Variants in BAIAP2 observed in about 807,000 individuals in gnomAD.
BAIAP2 encodes the protein BAR/IMD domain containing adaptor protein 2, also known as BAR/IMD domain-containing adapter protein 2.
BAIAP2 carries 18 observed loss-of-function variants against 63.0 expected under a neutral mutation model. The observed-to-expected ratio is 0.29, with a 90% confidence interval of 0.20 to 0.42. The LOEUF (loss-of-function observed/expected upper bound fraction) is 0.42, where lower values mean the gene tolerates loss of function less well. Ranked by LOEUF, BAIAP2 falls within the 10% of genes least tolerant of loss-of-function variation. BAIAP2 has a pLI of 1.00. For missense variants in BAIAP2, 610 were observed against 734.3 expected, an observed-to-expected ratio of 0.83 and a Z score of 1.96; for synonymous variants, 386 against 307.6, an observed-to-expected ratio of 1.25 and a Z score of -2.67.
At chr17:81,053,616 T>G in intron 1 of BAIAP2, 52 bp from the exon 2 acceptor site, 2 of 1,603,928 alleles carry the variant, frequency 1.2e-6, no homozygotes, top group South Asian at 2.2e-5. Flanking sequence ...CCCTTCGGAG[T>G]CACCAGGGTG....
chr17:81,095,607 G>T (rs1469902211), intron 6 of BAIAP2, among the ~76,000 whole-genome samples: 2 of 152,178 alleles, frequency 1.3e-5, no homozygotes, highest in Admixed American at 1.3e-4. Context: ...AGATGCTCAT[G>T]TGGGGGCTCC....
intron 1 of BAIAP2, among the ~76,000 whole-genome samples, chr17:81,035,539 C>A (rs1471086748): frequency 6.7e-6 from 1 of 149,430 alleles, no homozygotes; most frequent in African/African-American, 2.4e-5. Flanking sequence ...CCATCCCATG[C>A]GCGCCGCGGC....
rs748758180 is a variant in BAIAP2 at position 81,053,650 on chromosome 17, T to C, written c.55-18T>C. On this transcript the variant is annotated intron_variant, in intron 1 of 13. Coordinates refer to ENST00000428708, the MANE Select transcript of BAIAP2 (RefSeq NM_001144888.2). ...TGACCTCTGCCAGTAATGCTGTTTC[T>C]TCTCTGCTTTCTTCCAGACCATCAT... The C allele has an allele frequency of 3.1e-6, 5 of 1,614,002 alleles. No individual in the cohort carries two copies. In the Admixed American group the frequency reaches 8.3e-5, roughly 27 times the overall value.
At chr17:81,060,079 C>T (rs1350778875) in intron 3 of BAIAP2, among the ~76,000 whole-genome samples, 2 of 152,196 alleles carry the variant, frequency 1.3e-5, no homozygotes, top group Non-Finnish European at 2.9e-5. Flanking sequence ...TCTCCCCGGG[C>T]TCCTCCTGGA....
intron 3 of BAIAP2, among the ~76,000 whole-genome samples, chr17:81,063,145 C>G (rs1488685071): frequency 6.6e-6 from 1 of 151,900 alleles, no homozygotes; most frequent in Non-Finnish European, 1.5e-5. Flanking sequence ...AGGGTGTGTC[C>G]AAAGGTGTGA....
chr17:81,097,293 G>A (rs1308990045), intron 6 of BAIAP2, among the ~76,000 whole-genome samples: 3 of 152,228 alleles, frequency 2.0e-5, no homozygotes, highest in Non-Finnish European at 4.4e-5. Flanking sequence ...GTTGGGGGAT[G>A]TGGCTGGGCA....
chr17:81,091,059 T>G (rs2056659330), intron 6 of BAIAP2, among the ~76,000 whole-genome samples: 1 of 92,754 alleles, frequency 1.1e-5, no homozygotes, highest in African/African-American at 3.0e-5. Flanking sequence ...CCCCCACTTG[T>G]GTGGACCCGC....
intron 6 of BAIAP2, among the ~76,000 whole-genome samples, chr17:81,089,528 T>C (rs1287376246): frequency 6.6e-6 from 1 of 152,172 alleles, no homozygotes; most frequent in Admixed American, 6.5e-5. Flanking sequence ...GAGTGCCCTT[T>C]CGTGGTAAGC....
At chr17:81,073,751 T>TA (rs1244328518) in intron 3 of BAIAP2, among the ~76,000 whole-genome samples, 7 of 151,996 alleles carry the variant, frequency 4.6e-5, no homozygotes, top group Middle Eastern at 6.8e-3. Context: ...TTTTCTGGAG[T>TA]AAAAAAAGGC....
rs563318276 is a variant in BAIAP2 at position 81,099,972 on chromosome 17, C to G, written c.534C>G (p.Tyr178Ter). 1 of 1,613,350 alleles carries G rather than the reference C, an allele frequency of 6.2e-7. No homozygotes were observed. The highest frequency in any genetic ancestry group is 8.5e-7 in the Non-Finnish European group (1 of 1,179,976). The change falls in exon 7 of 14, where the codon TAC becomes TAG. Residue 178 changes from tyrosine to a stop codon, truncating the protein, a stop_gained. Coordinates refer to ENST00000428708, the MANE Select transcript of BAIAP2 (RefSeq NM_001144888.2). LOFTEE classifies it high-confidence loss of function. Reference sequence around the variant, plus strand: ...ACAAGCAGGGCGAGCTGGAGAATTACGTGTCCGACGGCTACAAGACCGCAC... The same window carrying G: ...ACAAGCAGGGCGAGCTGGAGAATTAGGTGTCCGACGGCTACAAGACCGCAC... Reference protein sequence around the residue: ...ISNKQGELENYVSDGYKTALT... With the variant: ...ISNKQGELEN
At position 81,099,942 on chromosome 17, in the gene BAIAP2, C is replaced by G; in HGVS notation, c.504C>G (p.Ile168Met). ...TCCCTCCACAGTACATCGACGCCATCAGCAACAAGCAGGGCGAGCTGGAGA... is the reference window on the plus strand; with the variant it reads ...TCCCTCCACAGTACATCGACGCCATGAGCAACAAGCAGGGCGAGCTGGAGA... Reference protein sequence around the residue: ...SDKELQYIDAISNKQGELENY... With the variant: ...SDKELQYIDAMSNKQGELENY... The change falls in exon 7 of 14, where the codon ATC (isoleucine) becomes ATG (methionine). Residue 168 changes from isoleucine to methionine, a missense_variant. Ile to Met is a conservative substitution (Grantham distance 10). Coordinates refer to ENST00000428708, the MANE Select transcript of BAIAP2 (RefSeq NM_001144888.2). 6.2e-7 allele frequency: 1 copy of G among 1,613,324 alleles called. No homozygotes were observed. The highest frequency in any genetic ancestry group is 1.1e-5 in the South Asian group (1 of 91,058).
At chr17:81,053,317 C>CGCGCCAATGGGAACG (rs1851734862) in intron 1 of BAIAP2, 1 of 258,834 alleles carries the variant, frequency 3.9e-6, no homozygotes, top group African/African-American at 2.3e-5. Context: ...CTGACTCAGC[C>CGCGCCAATGGGAACG]GCGCCAATGG....
chr17:81,055,574 G>GTTTTTTGTTTTTTTTTGTT (rs370775327), intron 2 of BAIAP2, among the ~76,000 whole-genome samples: 2 of 123,404 alleles, frequency 1.6e-5, no homozygotes, highest in Admixed American at 9.3e-5. Context: ...AGGGTGTTTT[G>GTTTTTTGTTTTTTTTTGTT]TTTTTTTTTG....
chr17:81,075,824 C>A (rs537226767), intron 3 of BAIAP2, among the ~76,000 whole-genome samples: 1 of 152,352 alleles, frequency 6.6e-6, no homozygotes, highest in East Asian at 1.9e-4. Flanking sequence ...ACTGCCCAGC[C>A]TTTGCACTGG....
chr17:81,114,884 T>TGCTCCAGGTAATG (rs1237095145), intron 13 of BAIAP2, among the ~76,000 whole-genome samples: 1 of 152,232 alleles, frequency 6.6e-6, no homozygotes, highest in Non-Finnish European at 1.5e-5. Flanking sequence ...GAGGTGATTC[T>TGCTCCAGGTAATG]GCTCCAGGTA....
chr17:81,063,021 G>T (rs2050853215), intron 3 of BAIAP2, among the ~76,000 whole-genome samples: 1 of 150,880 alleles, frequency 6.6e-6, no homozygotes, highest in Non-Finnish European at 1.5e-5. Context: ...AGAGGCTTGT[G>T]AACAGCATCA....
At chr17:81,087,042 C>T (rs2055786772) in intron 6 of BAIAP2, 2 of 170,198 alleles carry the variant, frequency 1.2e-5, no homozygotes, top group South Asian at 2.8e-4. Context: ...GCTGAGTGGG[C>T]TGGGACGTAG....
intron 6 of BAIAP2, among the ~76,000 whole-genome samples, chr17:81,096,922 CTGTGGAGGAGGAGGA>C (rs2145703776): frequency 6.6e-6 from 1 of 152,260 alleles, no homozygotes; most frequent in Non-Finnish European, 1.5e-5. Flanking sequence ...CGCGCTCCAG[CTGTGGAGGAGGAGGA>C]GGTGGAGGAG....
intron 1 of BAIAP2, among the ~76,000 whole-genome samples, chr17:81,050,942 G>A (rs1324571623): frequency 6.6e-6 from 1 of 151,856 alleles, no homozygotes; most frequent in Non-Finnish European, 1.5e-5. Context: ...GTCCCGGTCT[G>A]CATGGTCAGT....
Sources: gnomAD v4.1 joint callset for allele counts (sites outside exome capture counted in the v4.1 genomes callset) on GRCh38, gnomAD v4.1.1 for gene constraint, MANE v1.5 for transcripts, NCBI Gene and HGNC (gene_info 2026-07-23, HGNC 2026-07-21) for gene names.